The following LRP1B variants were observed in gnomAD, a reference collection of about 807,000 sequenced individuals.
LRP1B encodes the protein low-density lipoprotein receptor-related protein 1B.
A neutral mutation model predicts 556.6 loss-of-function variants in LRP1B; 217 were observed. The observed-to-expected ratio is 0.39, with a 90% CI of 0.35 to 0.44. The LOEUF (loss-of-function observed/expected upper bound fraction) is 0.44, where lower values mean the gene tolerates loss of function less well. Among genes scored for constraint, LRP1B ranks in the 20% least tolerant of loss-of-function variants. The probability of loss-of-function intolerance (pLI) is 1.00; values close to 1 mark genes in which losing one functional copy is unlikely to be tolerated. For synonymous variants in LRP1B, 2,047 were observed against 1,865.8 expected (o/e 1.10, Z -2.50); for missense variants, 5,053 against 5,620.8 (o/e 0.90, Z 3.23).
chr2:141,623,487 T>C lies in LRP1B; in HGVS notation c.206-142954A>G, dbSNP rs554628529. On this transcript the variant is annotated intron_variant, in intron 2 of 90. Transcript: ENST00000389484. ...TCTCATTTCTTAAACGCTGCCTTTA[T>C]CTTTTCTAATTTCTTGATAGCAATC... Among the ~76,000 whole-genome samples the C allele has an allele frequency of 7.2e-5, 11 of 152,320 alleles. No individual in the cohort carries two copies. The Middle Eastern group carries it at 0.01, about 141-fold the overall frequency.
At chr2:142,075,279 T>C (rs1705456482) in intron 1 of LRP1B, among the ~76,000 whole-genome samples, 1 of 152,068 alleles carries the variant, frequency 6.6e-6, no homozygotes, top group African/African-American at 2.4e-5. Flanking sequence ...AACAAACTAA[T>C]ACATGAGACA....
chr2:141,777,132 A>T (rs190641565), intron 2 of LRP1B, among the ~76,000 whole-genome samples: 1 of 152,196 alleles, frequency 6.6e-6, no homozygotes, highest in Non-Finnish European at 1.5e-5. Flanking sequence ...AGCAGAGGCT[A>T]TAAGACATGA....
At chr2:141,131,287 T>C (rs1701345455) in intron 7 of LRP1B, among the ~76,000 whole-genome samples, 1 of 151,592 alleles carries the variant, frequency 6.6e-6, no homozygotes, top group South Asian at 2.1e-4. Flanking sequence ...TGTAAAATCT[T>C]TGTACATACA....
intron 43 of LRP1B, among the ~76,000 whole-genome samples, chr2:140,598,020 C>A (rs1157277261): frequency 6.6e-6 from 1 of 152,198 alleles, no homozygotes; most frequent in African/African-American, 2.4e-5. Flanking sequence ...GTCACCAAGG[C>A]AGCTACTCCT....
chr2:140,870,222 G>A (rs1478305101), intron 25 of LRP1B, among the ~76,000 whole-genome samples: 1 of 152,116 alleles, frequency 6.6e-6, no homozygotes, highest in Non-Finnish European at 1.5e-5. Flanking sequence ...TTTTCTGAGA[G>A]GCTTTATTTG....
At chr2:141,552,060 A>G (rs1385593074) in intron 2 of LRP1B, among the ~76,000 whole-genome samples, 2 of 152,062 alleles carry the variant, frequency 1.3e-5, no homozygotes, top group African/African-American at 4.8e-5. Context: ...TCTTTTTTAA[A>G]TGCAAAGTCT....
chr2:140,644,836 A>G (rs1365340441), intron 41 of LRP1B, among the ~76,000 whole-genome samples: 1 of 152,186 alleles, frequency 6.6e-6, no homozygotes, highest in East Asian at 1.9e-4. Flanking sequence ...AAAGCAATCG[A>G]TCAGTACAAG....
chr2:140,903,930 G>A (rs1361030743), intron 22 of LRP1B, among the ~76,000 whole-genome samples: 1 of 151,678 alleles, frequency 6.6e-6, no homozygotes, highest in Non-Finnish European at 1.5e-5. Context: ...TATATAATGT[G>A]ATTACACATA....
intron 3 of LRP1B, among the ~76,000 whole-genome samples, chr2:141,461,808 GAC>G (rs1559082736): frequency 6.6e-6 from 1 of 152,310 alleles, no homozygotes; most frequent in Non-Finnish European, 1.5e-5. Context: ...ATTAATTTAA[GAC>G]ACAGTTTTCA....
intron 1 of LRP1B, among the ~76,000 whole-genome samples, chr2:141,843,513 A>C (rs1264165582): frequency 6.6e-6 from 1 of 152,224 alleles, no homozygotes; most frequent in African/African-American, 2.4e-5. Flanking sequence ...ACATGAGGGC[A>C]CAGCTCATCC....
At chr2:140,905,476 A>G (rs1694224002) in intron 22 of LRP1B, among the ~76,000 whole-genome samples, 1 of 151,996 alleles carries the variant, frequency 6.6e-6, no homozygotes, top group African/African-American at 2.4e-5. Context: ...ACCCAGAACT[A>G]CCTTCTAAGG....
At position 140,526,166 on chromosome 2, in the gene LRP1B, C is replaced by A. The variant is rs1056738615; in HGVS notation, c.7876+71G>T. 4 of 1,463,338 alleles carry A rather than the reference C, an allele frequency of 2.7e-6. No individual in the cohort carries two copies. The South Asian group carries it at 3.5e-5, about 13-fold the overall frequency. The allele number at this position is 1,463,338 out of a possible 1,614,324, so 90.6% of individuals were successfully genotyped here. A position where few individuals can be genotyped will look rare whatever the true frequency, so the allele number is the denominator to read the frequency against. On this transcript the variant is annotated intron_variant, in intron 48 of 90. Transcript: ENST00000389484. The stretch of plus-strand genomic sequence containing the variant: ...AATTTTGGACAAAGTTCAGTAAAAT[C>A]TTGCACAGTGTTCAATGCAATGCCA...
At chr2:140,937,417 G>T (rs1695262030) in intron 20 of LRP1B, among the ~76,000 whole-genome samples, 1 of 152,096 alleles carries the variant, frequency 6.6e-6, no homozygotes, top group African/African-American at 2.4e-5. Context: ...GACACAAAAA[G>T]TAGAATGGTG....
At chr2:141,740,045 A>T (rs1693638567) in intron 2 of LRP1B, among the ~76,000 whole-genome samples, 1 of 152,134 alleles carries the variant, frequency 6.6e-6, no homozygotes, top group Admixed American at 6.6e-5. Flanking sequence ...AATTAATAAG[A>T]GGTTTGCGAA....
intron 7 of LRP1B, among the ~76,000 whole-genome samples, chr2:141,117,093 A>T (rs1189350915): frequency 6.6e-6 from 1 of 152,036 alleles, no homozygotes; most frequent in African/African-American, 2.4e-5. Context: ...GGAATGCCCC[A>T]AGTATCTTTT....
chr2:141,175,981 G>A (rs965017029), intron 7 of LRP1B, among the ~76,000 whole-genome samples: 1 of 152,098 alleles, frequency 6.6e-6, no homozygotes, highest in Non-Finnish European at 1.5e-5. Context: ...GCCCTGTGGG[G>A]TTTCTAACTC....
At chr2:141,992,805 A>C (rs1251724881) in intron 1 of LRP1B, among the ~76,000 whole-genome samples, 1 of 152,114 alleles carries the variant, frequency 6.6e-6, no homozygotes, top group Non-Finnish European at 1.5e-5. Context: ...CTATGAAATG[A>C]CTGGAGTCAG....
chr2:140,342,476 TG>T (rs1681445395), intron 77 of LRP1B, among the ~76,000 whole-genome samples: 1 of 151,528 alleles, frequency 6.6e-6, no homozygotes, highest in East Asian at 1.9e-4. Flanking sequence ...AATTCTAATG[TG>T]TTTATTCTTA....
chr2:141,638,584 G>A (rs1689188199), intron 2 of LRP1B, among the ~76,000 whole-genome samples: 1 of 117,708 alleles, frequency 8.5e-6, no homozygotes, highest in Non-Finnish European at 2.0e-5. Flanking sequence ...ACACACTGGA[G>A]GCCGAGACCA....
Sources: gnomAD v4.1 joint callset for allele counts (sites outside exome capture counted in the v4.1 genomes callset) on GRCh38, gnomAD v4.1.1 for gene constraint, MANE v1.5 for transcripts, NCBI Gene and HGNC (gene_info 2026-07-23, HGNC 2026-07-21) for gene names.